LRP1: variants seen among roughly 807,000 people sequenced by gnomAD.
The protein encoded by LRP1 is LDL receptor related protein 1.
Under a neutral mutation model 541.5 loss-of-function variants are expected in LRP1, and 51 were observed. The observed-to-expected ratio is 0.09, with a 90% CI of 0.08 to 0.12. The LOEUF (loss-of-function observed/expected upper bound fraction) is 0.12, where lower values mean the gene tolerates loss of function less well. LRP1 is among the 10% of genes least tolerant of loss of function. LRP1 has a pLI of 1.00. For missense variants in LRP1, 3,878 were observed against 6,376.2 expected, an observed-to-expected ratio of 0.61 and a Z score of 13.34; for synonymous variants, 2,219 against 2,470.8, an observed-to-expected ratio of 0.90 and a Z score of 3.02.
intron 6 of LRP1, among the ~76,000 whole-genome samples, chr12:57,151,387 C>T (rs2035522756): frequency 6.6e-6 from 1 of 152,234 alleles, no homozygotes; most frequent in Non-Finnish European, 1.5e-5. Flanking sequence ...CCTCTTCATG[C>T]TGGAATCCCC....
At chr12:57,148,970 TA>T in intron 6 of LRP1, 1 of 617,080 alleles carries the variant, frequency 1.6e-6, no homozygotes, top group South Asian at 1.9e-5. Context: ...TTTATTTATT[TA>T]TTTTTTTAGT....
Position 57,169,408 on chromosome 12 carries a change from C to T in LRP1, c.3163+101C>T, listed in dbSNP as rs1592627500. On this transcript the variant is annotated intron_variant, in intron 20 of 88. Transcript: ENST00000243077. ...TTCAGACCCACGGTGTGTCGGCCAC[C>T]ATCTGGGAGCCAGAGGTAGCCTAGG... is the stretch of plus-strand genomic sequence containing the variant. 8.6e-6 allele frequency: 10 copies of T among 1,163,394 alleles called. No homozygotes were observed. The East Asian group carries it at 2.7e-4, about 31-fold the overall frequency. The allele number at this position is 1,163,394 out of a possible 1,614,324, so 72.1% of individuals were successfully genotyped here.
chr12:57,200,611 C>G, intron 63 of LRP1, 76 bp downstream of exon 63: 1 of 1,544,680 alleles, frequency 6.5e-7, no homozygotes, highest in South Asian at 1.1e-5. Flanking sequence ...TGAATGGCCA[C>G]TGGAGAGGCT....
chr12:57,136,395 GCC>G (rs35376308), intron 1 of LRP1, among the ~76,000 whole-genome samples: 2,012 of 99,114 alleles, frequency 0.02, 98 homozygotes, highest in South Asian at 0.036. Context: ...CCTCCTAAGA[GCC>G]CCCCCCCCCC....
chr12:57,147,431 G>GCACT (rs2035434459), intron 6 of LRP1: 1 of 152,216 alleles, frequency 6.6e-6, no homozygotes, highest in African/African-American at 2.4e-5. Flanking sequence ...CTGGTCCCAG[G>GCACT]CACTCACCTG....
rs182895035 is a variant in LRP1, at chr12:57,141,125, C to T, written c.191-249C>T. On this transcript the variant is annotated intron_variant, in intron 2 of 88. Transcript: ENST00000243077. ...GCATAGAATGTTGAGGCACTGGGGT[C>T]CATGGGAATGGGGCATTTGGAGGGT... is the stretch of plus-strand genomic sequence containing the variant. Among the ~76,000 whole-genome samples the T allele has an allele frequency of 2.0e-5, 3 of 152,266 alleles. No individual in the cohort carries two copies. In the East Asian group the frequency reaches 5.8e-4, roughly 29 times the overall value.
Position 57,200,651 on chromosome 12 carries a change from G to A in LRP1, c.10109-48G>A. On this transcript the variant is annotated intron_variant, in intron 63 of 88. Coordinates refer to ENST00000243077, the MANE Select transcript of LRP1 (RefSeq NM_002332.3). ...CTGTGGTGCCCTGCAAGTGGACCTG[G>A]CCGTGTCCACCCCAGCCGCTCTGAC... 4 of 1,570,764 alleles carry A rather than the reference G, an allele frequency of 2.5e-6. No homozygotes were observed. The South Asian group carries it at 4.4e-5, about 17-fold the overall frequency.
chr12:57,203,421 G>C lies in LRP1; in HGVS notation c.10851G>C (p.Gln3617His), dbSNP rs2036700062. Reference sequence around the variant, plus strand: ...GCACCCCCCGCTGTGACATGGACCAGTTCCAGTGCAAGAGCGGCCACTGCA... The same window carrying C: ...GCACCCCCCGCTGTGACATGGACCACTTCCAGTGCAAGAGCGGCCACTGCA... Reference protein sequence around the residue: ...KDCTPRCDMDQFQCKSGHCIP... With the variant: ...KDCTPRCDMDHFQCKSGHCIP... Residue 3617 changes from glutamine to histidine, a missense_variant, in exon 70 of 89, where the codon CAG becomes CAC. This residue lies in a region of LRP1 where 278 missense variants were observed against 536.3 expected (regional missense o/e 0.52). Coordinates refer to ENST00000243077, the MANE Select transcript of LRP1 (RefSeq NM_002332.3). 6.2e-7 allele frequency: 1 copy of C among 1,609,956 alleles called. No individual in the cohort carries two copies. The highest frequency in any genetic ancestry group is 8.5e-7 in the Non-Finnish European group (1 of 1,178,146).
chr12:57,197,535 C>T lies in LRP1; in HGVS notation c.9163-10C>T. The T allele has an allele frequency of 1.2e-6, 2 of 1,614,134 alleles. No individual in the cohort carries two copies. Among genetic ancestry groups the T allele is most frequent in the East Asian group, 4.5e-5 (2 of 44,876 alleles). On this transcript the variant is annotated splice_polypyrimidine_tract_variant and intron_variant, in intron 57 of 88. Transcript: ENST00000243077. The surrounding 1 kb of genome is among the most constrained non-coding windows in gnomAD (Gnocchi z 4.5). ...ACCGACTTCTGCTGTCCTTCACTCC[C>T]CAAATCCAGGGCCTGAACAACGCCG...
Position 57,156,996 on chromosome 12 carries a change from C to T in LRP1, c.1561+76C>T, listed in dbSNP as rs2035634710. Reference sequence around the variant, plus strand: ...TCCTCAGGTGTCCCCCACAGCCCGGCTGCCTCTGTCTGACATGCAGGGAGA... The same window carrying T: ...TCCTCAGGTGTCCCCCACAGCCCGGTTGCCTCTGTCTGACATGCAGGGAGA... On this transcript the variant is annotated intron_variant, in intron 10 of 88. Transcript: ENST00000243077. The surrounding 1 kb of genome is among the most constrained non-coding windows in gnomAD (Gnocchi z 5.2). 8 of 1,446,982 alleles carry T rather than the reference C, an allele frequency of 5.5e-6. No homozygotes were observed. Among genetic ancestry groups the T allele is most frequent in the Admixed American group, 2.1e-5 (1 of 47,454 alleles). The allele number at this position is 1,446,982 out of a possible 1,614,324, so 89.6% of individuals were successfully genotyped here. A position where few individuals can be genotyped will look rare whatever the true frequency, so the allele number is the denominator to read the frequency against.
chr12:57,144,868 C>G, intron 4 of LRP1, 104 bp from the exon 5 acceptor site: 1 of 1,172,760 alleles, frequency 8.5e-7, no homozygotes, highest in Non-Finnish European at 1.3e-6. Flanking sequence ...AACTGTCCTT[C>G]AAGGTAGCTG....
At chr12:57,167,084 G>A (rs751253823) in intron 18 of LRP1, 38 bp downstream of exon 18, 10 of 1,556,328 alleles carry the variant, frequency 6.4e-6, no homozygotes, top group Non-Finnish European at 8.9e-6. Flanking sequence ...GCTGGGCCTG[G>A]GGGAGGGGCA....
chr12:57,205,587 T>A lies in LRP1; in HGVS notation c.11500T>A (p.Cys3834Ser). The change falls in exon 75 of 89, where the codon TGC becomes AGC. Residue 3834 changes from cysteine to serine, a missense_variant. By Grantham distance (112) the Cys-to-Ser change is moderately radical (BLOSUM62 -1). Around this residue, in one of 13 missense-constraint regions of LRP1, gnomAD observed 871 missense variants for 1,212.4 expected, o/e 0.72. Transcript: ENST00000243077. This position sits in a 1 kb window ranked among gnomAD's most constrained non-coding sequence, Gnocchi z 4.6. ...DINECLRFGTCSQLCNNTKGG... is the reference protein window; with the variant it reads ...DINECLRFGTSSQLCNNTKGG... ...CAACGAGTGCCTGCGCTTCGGCACC[T>A]GCTCCCAGCTCTGCAACAACACCAA... is the stretch of plus-strand genomic sequence containing the variant. 1 of 1,614,014 alleles carries A rather than the reference T, an allele frequency of 6.2e-7. No homozygotes were observed. Among genetic ancestry groups the A allele is most frequent in the Non-Finnish European group, 8.5e-7 (1 of 1,180,026 alleles).
Position 57,161,166 on chromosome 12 carries a change from T to C in LRP1, c.2202+51T>C, listed in dbSNP as rs539418115. ...GGAATCTGTGTGTGTTGCTAGACCA[T>C]GCTTGGGCGTGGATGAGGTTCTGTG... On this transcript the variant is annotated intron_variant, in intron 13 of 88. Transcript: ENST00000243077. The C allele has an allele frequency of 8.3e-6, 13 of 1,564,206 alleles. No homozygotes were observed. In the Admixed American group the frequency reaches 1.0e-4, roughly 12 times the overall value.
At chr12:57,150,838 A>G (rs2035512404) in intron 6 of LRP1, among the ~76,000 whole-genome samples, 1 of 152,198 alleles carries the variant, frequency 6.6e-6, no homozygotes, top group Non-Finnish European at 1.5e-5. Flanking sequence ...GGAAGGTGAC[A>G]GAACCAGAAT....
rs1800182 is a variant in LRP1 at position 57,185,944 on chromosome 12, A to T, written c.6841+36A>T. Reference sequence around the variant, plus strand: ...ACCCTAAGTCTTCCCAGGAAGTGGGACATGGGGCGGGGAGCAGCACAGACT... The same window carrying T: ...ACCCTAAGTCTTCCCAGGAAGTGGGTCATGGGGCGGGGAGCAGCACAGACT... On this transcript the variant is annotated intron_variant, in intron 41 of 88. Coordinates refer to ENST00000243077, the MANE Select transcript of LRP1 (RefSeq NM_002332.3). This position sits in a 1 kb window ranked among gnomAD's most constrained non-coding sequence, Gnocchi z 4.9. 0.33 allele frequency: 524,040 copies of T among 1,586,946 alleles called. 89,770 individuals are homozygous for T. Among genetic ancestry groups the T allele is most frequent in the African/African-American group, 0.48 (35,645 of 74,470 alleles).
chr12:57,206,513 G>A lies in LRP1; in HGVS notation c.11631G>A (p.Glu3877=), dbSNP rs2036782322. The change falls in exon 76 of 89, where the codon GAG becomes GAA. Residue 3877 remains glutamate (E), a synonymous_variant. Transcript: ENST00000243077. This position sits in a 1 kb window ranked among gnomAD's most constrained non-coding sequence, Gnocchi z 4.7. ...TCCTGTACATCGCTGATGACAATGA[G>A]ATCCGCAGCCTGTTCCCCGGCCACC... ...YQVLYIADDN[E]IRSLFPGHPH... 6.2e-7 allele frequency: 1 copy of A among 1,614,024 alleles called. No homozygotes were observed. The highest frequency in any genetic ancestry group is 8.5e-7 in the Non-Finnish European group (1 of 1,180,056).
intron 6 of LRP1, chr12:57,146,392 G>A (rs1219841726): frequency 6.6e-6 from 1 of 152,212 alleles, no homozygotes; most frequent in South Asian, 2.1e-4. Flanking sequence ...TGCATAATGG[G>A]TTTGAGCTTG....
intron 80 of LRP1, 75 bp from the exon 81 acceptor site, chr12:57,209,953 AG>A: frequency 2.5e-6 from 4 of 1,589,578 alleles, no homozygotes; most frequent in Non-Finnish European, 2.6e-6. Flanking sequence ...CCTGGTGGAG[AG>A]GGGGTCACCC....
Sources: allele counts gnomAD v4.1 joint callset (sites outside exome capture counted in the v4.1 genomes callset), GRCh38; gene constraint gnomAD v4.1.1; regional missense constraint gnomAD v4.1.1; non-coding constraint Gnocchi (gnomAD v3.1); transcripts MANE v1.5; gene names NCBI Gene and HGNC (gene_info 2026-07-23, HGNC 2026-07-21).